Variants in LRMDA observed in about 807,000 individuals in gnomAD.
LRMDA encodes leucine-rich melanocyte differentiation-associated protein.
A neutral mutation model predicts 29.8 loss-of-function variants in LRMDA; 18 were observed. That is an observed-to-expected ratio of 0.60 (90% confidence interval 0.42 to 0.90). LRMDA has a LOEUF of 0.90. Ranked by LOEUF, LRMDA falls within the 40% of genes least tolerant of loss-of-function variation. The probability of loss-of-function intolerance (pLI) is 0.00; values close to 1 mark genes in which losing one functional copy is unlikely to be tolerated. For synonymous variants in LRMDA, 125 were observed against 109.4 expected (o/e 1.14, Z -0.89); for missense variants, 273 against 273.9 (o/e 1.00, Z 0.02).
At chr10:76,212,690 A>G (rs140729542) in intron 5 of LRMDA, among the ~76,000 whole-genome samples, 1 of 152,330 alleles carries the variant, frequency 6.6e-6, no homozygotes, top group East Asian at 1.9e-4. Context: ...TTGGTTTCAG[A>G]TATTGAAATT....
chr10:76,203,581 G>A (rs993390681), intron 5 of LRMDA, among the ~76,000 whole-genome samples: 16 of 152,370 alleles, frequency 1.1e-4, no homozygotes, highest in African/African-American at 3.8e-4. Flanking sequence ...TATGGCAGAG[G>A]ACACTTTGTA....
chr10:75,579,162 G>T (rs1329766099), intron 2 of LRMDA, among the ~76,000 whole-genome samples: 4 of 152,070 alleles, frequency 2.6e-5, no homozygotes, highest in Non-Finnish European at 5.9e-5. Flanking sequence ...CAACAAAATA[G>T]ATAGACCACT....
chr10:75,879,580 T>C (rs558755123), intron 2 of LRMDA, among the ~76,000 whole-genome samples: 2 of 152,224 alleles, frequency 1.3e-5, no homozygotes, highest in South Asian at 4.1e-4. Flanking sequence ...GAATATAAGG[T>C]CTGGGGGAAG....
chr10:76,169,070 T>A (rs914174938), intron 5 of LRMDA, among the ~76,000 whole-genome samples: 1 of 152,214 alleles, frequency 6.6e-6, no homozygotes, highest in African/African-American at 2.4e-5. Flanking sequence ...TTAAGAACTA[T>A]GAAAATCAGT....
At chr10:76,063,448 C>T (rs1477238946) in intron 5 of LRMDA, among the ~76,000 whole-genome samples, 1 of 152,084 alleles carries the variant, frequency 6.6e-6, no homozygotes, top group Non-Finnish European at 1.5e-5. Context: ...GATTTCCTTT[C>T]CTGATTTTTC....
chr10:75,762,313 G>A (rs528259495), intron 2 of LRMDA, among the ~76,000 whole-genome samples: 1 of 152,162 alleles, frequency 6.6e-6, no homozygotes, highest in Admixed American at 6.5e-5. Context: ...CTTTGAATGC[G>A]ACCCAACACA....
At position 75,459,698 on chromosome 10, in the gene LRMDA, T is replaced by C. The variant is rs576395870; in HGVS notation, c.131+21204T>C. On this transcript the variant is annotated intron_variant, in intron 2 of 6. Transcript: ENST00000611255. ...GTGTTGCTAGACAGTATACCTGAGA[T>C]TGGGCCATTTATAATGAACAGAAAT... Among the ~76,000 whole-genome samples the C allele has an allele frequency of 2.2e-4, 34 of 152,306 alleles. 1 individual carries two copies. Among genetic ancestry groups the C allele is most frequent in the Admixed American group, 1.9e-3 (29 of 15,302 alleles).
At chr10:76,169,709 G>T (rs561717174) in intron 5 of LRMDA, among the ~76,000 whole-genome samples, 16 of 152,194 alleles carry the variant, frequency 1.1e-4, no homozygotes, top group Admixed American at 7.9e-4. Flanking sequence ...GCAAACTCAA[G>T]GTCCTACCAA....
intron 6 of LRMDA, among the ~76,000 whole-genome samples, chr10:76,534,245 GC>G (rs1162735485): frequency 2.6e-5 from 4 of 152,130 alleles, no homozygotes; most frequent in African/African-American, 9.7e-5. Flanking sequence ...ATTTTCTCCT[GC>G]TTTTGGGGTA....
intron 2 of LRMDA, among the ~76,000 whole-genome samples, chr10:75,687,198 T>G (rs1291244454): frequency 1.3e-5 from 2 of 152,152 alleles, no homozygotes; most frequent in African/African-American, 4.8e-5. Context: ...AAAATAGAAA[T>G]GATTAAGCTT....
chr10:75,470,706 G>A (rs1844715947), intron 2 of LRMDA, among the ~76,000 whole-genome samples: 5 of 152,262 alleles, frequency 3.3e-5, no homozygotes, highest in African/African-American at 9.6e-5. Flanking sequence ...GTCCCTCCTT[G>A]TAGGTGCCCT....
At chr10:75,623,234 A>G (rs1231240949) in intron 2 of LRMDA, among the ~76,000 whole-genome samples, 1 of 152,214 alleles carries the variant, frequency 6.6e-6, no homozygotes, top group Admixed American at 6.5e-5. Context: ...CATTAGATCT[A>G]TCTGATTCCA....
chr10:76,545,648 TTA>T (rs1843411899), intron 6 of LRMDA, among the ~76,000 whole-genome samples: 1 of 73,830 alleles, frequency 1.4e-5, no homozygotes, highest in African/African-American at 4.4e-5. Flanking sequence ...TTTATTATTA[TTA>T]TTATTATTAT....
intron 2 of LRMDA, among the ~76,000 whole-genome samples, chr10:75,444,905 T>A (rs1452523033): frequency 6.6e-6 from 1 of 152,186 alleles, no homozygotes; most frequent in Non-Finnish European, 1.5e-5. Flanking sequence ...CATTTCCCCA[T>A]CTCAATAAAT....
intron 2 of LRMDA, among the ~76,000 whole-genome samples, chr10:75,612,934 C>A (rs1036288961): frequency 8.5e-5 from 13 of 152,060 alleles, no homozygotes; most frequent in Non-Finnish European, 1.2e-4. Context: ...CTTGGCCCAG[C>A]CTTTCAACTT....
intron 6 of LRMDA, among the ~76,000 whole-genome samples, chr10:76,348,970 C>A (rs1375508385): frequency 6.6e-6 from 1 of 152,102 alleles, no homozygotes; most frequent in African/African-American, 2.4e-5. Flanking sequence ...ATCACAGGAG[C>A]CGTGTTGAGG....
chr10:76,187,148 C>T (rs1377055712), intron 5 of LRMDA, among the ~76,000 whole-genome samples: 11 of 152,202 alleles, frequency 7.2e-5, no homozygotes, highest in Middle Eastern at 6.8e-3. Context: ...ATATACCACA[C>T]GATGCTGTCA....
chr10:75,444,142 T>C (rs1461088135), intron 2 of LRMDA, among the ~76,000 whole-genome samples: 1 of 152,250 alleles, frequency 6.6e-6, no homozygotes, highest in African/African-American at 2.4e-5. Context: ...TTACTGTATG[T>C]ATTTTTTTTC....
intron 2 of LRMDA, among the ~76,000 whole-genome samples, chr10:75,914,378 G>C (rs1307037352): frequency 6.6e-6 from 1 of 152,150 alleles, no homozygotes; most frequent in African/African-American, 2.4e-5. Context: ...CCATGTGCTG[G>C]GAAAACAGAG....
Sources: allele counts gnomAD v4.1 joint callset (sites outside exome capture counted in the v4.1 genomes callset), GRCh38; gene constraint gnomAD v4.1.1; transcripts MANE v1.5; gene names NCBI Gene and HGNC (gene_info 2026-07-23, HGNC 2026-07-21).